Variants in IQCH observed in about 807,000 individuals in gnomAD.
The protein encoded by IQCH is IQ domain-containing protein H.
Under a neutral mutation model 117.0 loss-of-function variants are expected in IQCH, and 98 were observed. The ratio of observed to expected loss-of-function variants is 0.84; its 90% confidence interval spans 0.71 to 0.99. The LOEUF is 0.99. Among genes scored for constraint, IQCH ranks in the 50% least tolerant of loss-of-function variants. The pLI is 0.00. For synonymous variants in IQCH, 412 were observed against 448.2 expected (o/e 0.92, Z 1.02); for missense variants, 1,102 against 1,243.8 (o/e 0.89, Z 1.72).
rs2082317250 is a variant in IQCH at position 67,443,062 on chromosome 15, G to A, written c.2505+21485G>A. Among the ~76,000 whole-genome samples the A allele has an allele frequency of 6.6e-6, 1 of 151,294 alleles. No homozygotes were observed. Among genetic ancestry groups the A allele is most frequent in the South Asian group, 2.1e-4 (1 of 4,802 alleles). The stretch of plus-strand genomic sequence containing the variant: ...GTCCAGAGTGCAGTGGTGCGATCTC[G>A]GCTCACTGCAAGCTCCGCCTCCCGG... On this transcript the variant is annotated intron_variant, in intron 16 of 20. Transcript: ENST00000335894. The surrounding 1 kb of genome is among the most constrained non-coding windows in gnomAD (Gnocchi z 5.0).
chr15:67,472,916 A>G lies in IQCH; in HGVS notation c.2677-2780A>G, dbSNP rs2083106488. On this transcript the variant is annotated intron_variant, in intron 17 of 20. Transcript: ENST00000335894. The surrounding 1 kb of genome is among the most constrained non-coding windows in gnomAD (Gnocchi z 4.3). ...TTGCACTCTGCATCTGTAGTGAAGA[A>G]GAAACCTCAGGGTAGCCTGCCCTTA... Among the ~76,000 whole-genome samples, 1 of 152,206 alleles carries G rather than the reference A, an allele frequency of 6.6e-6. No homozygotes were observed. Among genetic ancestry groups the G allele is most frequent in the Admixed American group, 6.5e-5 (1 of 15,274 alleles).
intron 14 of IQCH, among the ~76,000 whole-genome samples, chr15:67,410,562 T>C (rs1180443592): frequency 6.6e-6 from 1 of 152,228 alleles, no homozygotes; most frequent in Non-Finnish European, 1.5e-5. Context: ...TAATATTTGA[T>C]TGGTCTAATT....
At chr15:67,402,610 C>A (rs777535328) in intron 14 of IQCH, among the ~76,000 whole-genome samples, 1 of 152,168 alleles carries the variant, frequency 6.6e-6, no homozygotes, top group Non-Finnish European at 1.5e-5. Context: ...CAAGCCTAGC[C>A]TGGCACATAC....
chr15:67,347,217 A>G (rs68022462), intron 6 of IQCH, among the ~76,000 whole-genome samples: 68,296 of 148,892 alleles, frequency 0.46, 16,057 homozygotes, highest in Non-Finnish European at 0.52. Context: ...AAAAAAAAAA[A>G]GGAATTCAGT....
rs563815794 is a variant in IQCH at position 67,356,038 on chromosome 15, G to T, written c.638-1307G>T. On this transcript the variant is annotated intron_variant, in intron 6 of 20. Coordinates refer to ENST00000335894, the MANE Select transcript of IQCH (RefSeq NM_001031715.3). The surrounding 1 kb of genome is among the most constrained non-coding windows in gnomAD (Gnocchi z 5.3). The stretch of plus-strand genomic sequence containing the variant: ...AGCCATAAATCTCACTTTTCTGCAA[G>T]AACCTGAAAGTTAAACAAAAATTGT... Among the ~76,000 whole-genome samples, 16 of 152,242 alleles carry T rather than the reference G, an allele frequency of 1.1e-4. No homozygotes were observed. The South Asian group carries it at 3.3e-3, about 32-fold the overall frequency.
At position 67,447,520 on chromosome 15, in the gene IQCH, TAGTC is replaced by T. The variant is rs1354297670; in HGVS notation, c.2506-17604_2506-17601del. Reference sequence around the variant, plus strand: ...ACTCAACCCTCTACCATCACCAAATTAGTCAGGATGTATTGGATTACTGGGTTAA... The same window carrying T: ...ACTCAACCCTCTACCATCACCAAATTAGGATGTATTGGATTACTGGGTTAA... On this transcript the variant is annotated intron_variant, in intron 16 of 20. Coordinates refer to ENST00000335894, the MANE Select transcript of IQCH (RefSeq NM_001031715.3). The surrounding 1 kb of genome is among the most constrained non-coding windows in gnomAD (Gnocchi z 5.3). 6.6e-6 allele frequency among the ~76,000 whole-genome samples: 1 copy of T among 152,058 alleles called. No individual in the cohort carries two copies. The highest frequency in any genetic ancestry group is 2.4e-5 in the African/African-American group (1 of 41,406).
chr15:67,334,074 C>G (rs1436251376), intron 4 of IQCH, among the ~76,000 whole-genome samples: 1 of 151,916 alleles, frequency 6.6e-6, no homozygotes, highest in Non-Finnish European at 1.5e-5. Flanking sequence ...AAATTTTAAG[C>G]TATTATAGAA....
intron 16 of IQCH, among the ~76,000 whole-genome samples, chr15:67,450,877 A>C (rs1436234732): frequency 6.6e-6 from 1 of 152,176 alleles, no homozygotes; most frequent in African/African-American, 2.4e-5. Context: ...TTGGTAAGCT[A>C]TTGATTATTG....
chr15:67,353,654 G>A (rs1025684413), intron 6 of IQCH, among the ~76,000 whole-genome samples: 27 of 151,904 alleles, frequency 1.8e-4, no homozygotes, highest in African/African-American at 4.4e-4. Flanking sequence ...CCACTGCGCC[G>A]TCAAAAATTG....
At chr15:67,396,172 G>A (rs2140857247) in intron 13 of IQCH, among the ~76,000 whole-genome samples, 1 of 152,088 alleles carries the variant, frequency 6.6e-6, no homozygotes, top group East Asian at 1.9e-4. Context: ...CATTAAATAG[G>A]ATCCTAAGAA....
At chr15:67,485,123 C>T (rs1031633224) in intron 18 of IQCH, among the ~76,000 whole-genome samples, 1 of 151,994 alleles carries the variant, frequency 6.6e-6, no homozygotes, top group Non-Finnish European at 1.5e-5. Flanking sequence ...CATTCTATTT[C>T]CAGCAGGAAT....
chr15:67,316,324 T>C (rs1054041083), intron 4 of IQCH, among the ~76,000 whole-genome samples: 7 of 152,204 alleles, frequency 4.6e-5, no homozygotes, highest in Non-Finnish European at 8.8e-5. Flanking sequence ...ACTGGGTTAG[T>C]TTAACATAAC....
At chr15:67,313,197 G>A (rs1003229972) in intron 4 of IQCH, among the ~76,000 whole-genome samples, 1 of 152,026 alleles carries the variant, frequency 6.6e-6, no homozygotes, top group Non-Finnish European at 1.5e-5. Context: ...TCAGTTTATG[G>A]TTGGCAACTA....
intron 4 of IQCH, among the ~76,000 whole-genome samples, chr15:67,328,230 T>C (rs1968501451): frequency 6.6e-6 from 1 of 152,166 alleles, no homozygotes; most frequent in African/African-American, 2.4e-5. Flanking sequence ...TATAAGCTGC[T>C]CCACCATTAC....
In IQCH at chr15:67,342,469, T is replaced by G. The variant is rs1251845343; in HGVS notation, c.509-1594T>G. 2.0e-5 allele frequency among the ~76,000 whole-genome samples: 3 copies of G among 152,160 alleles called. No individual in the cohort carries two copies. In the East Asian group the frequency reaches 5.8e-4, roughly 29 times the overall value. On this transcript the variant is annotated intron_variant, in intron 5 of 20. Transcript: ENST00000335894. The surrounding 1 kb of genome is among the most constrained non-coding windows in gnomAD (Gnocchi z 4.7). ...TTAGGATAATTGCTTCAACCAGCACTAAAGCAAGGGTTGAAATCGTGCTTA... is the reference window on the plus strand; with the variant it reads ...TTAGGATAATTGCTTCAACCAGCACGAAAGCAAGGGTTGAAATCGTGCTTA...
In IQCH at chr15:67,457,449, G is replaced by A. The variant is rs780052358; in HGVS notation, c.2506-7678G>A. ...TGAGGCCTGTATTTAAATAGCATCT[G>A]CAAAGAGTTAAATGTGCTCCCTGTC... On this transcript the variant is annotated intron_variant, in intron 16 of 20. Coordinates refer to ENST00000335894, the MANE Select transcript of IQCH (RefSeq NM_001031715.3). The surrounding 1 kb of genome is among the most constrained non-coding windows in gnomAD (Gnocchi z 5.7). Among the ~76,000 whole-genome samples the A allele has an allele frequency of 1.3e-5, 2 of 152,230 alleles. No homozygotes were observed. Among genetic ancestry groups the A allele is most frequent in the African/African-American group, 4.8e-5 (2 of 41,460 alleles).
chr15:67,478,633 AG>A (rs1382197642), intron 18 of IQCH, among the ~76,000 whole-genome samples: 2 of 152,124 alleles, frequency 1.3e-5, no homozygotes, highest in African/African-American at 4.8e-5. Context: ...CAGAAAGAAA[AG>A]GAACAGATAG....
intron 13 of IQCH, among the ~76,000 whole-genome samples, chr15:67,397,828 A>T (rs1198468795): frequency 6.6e-6 from 1 of 152,202 alleles, no homozygotes; most frequent in Non-Finnish European, 1.5e-5. Flanking sequence ...TTTGTTTAGG[A>T]TTAATTTGTT....
At position 67,388,627 on chromosome 15, in the gene IQCH, T is replaced by G. The variant is rs1163415930; in HGVS notation, c.1457-204T>G. Among the ~76,000 whole-genome samples the G allele has an allele frequency of 1.3e-5, 2 of 152,162 alleles. No individual in the cohort carries two copies. Among genetic ancestry groups the G allele is most frequent in the Non-Finnish European group, 2.9e-5 (2 of 68,034 alleles). ...TGCATCTATTTCGTTGGTGGTGGTG[T>G]TATTTATATTTTCTTTAGAGAAATG... On this transcript the variant is annotated intron_variant, in intron 11 of 20. Coordinates refer to ENST00000335894, the MANE Select transcript of IQCH (RefSeq NM_001031715.3). The surrounding 1 kb of genome is among the most constrained non-coding windows in gnomAD (Gnocchi z 5.5).
Sources: allele counts gnomAD v4.1 joint callset (sites outside exome capture counted in the v4.1 genomes callset), GRCh38; gene constraint gnomAD v4.1.1; non-coding constraint Gnocchi (gnomAD v3.1); transcripts MANE v1.5; gene names NCBI Gene and HGNC (gene_info 2026-07-23, HGNC 2026-07-21).